RMDN2: variants seen among roughly 807,000 people sequenced by gnomAD.
The protein encoded by RMDN2 is regulator of microtubule dynamics 2.
RMDN2 carries 61 observed loss-of-function variants against 52.8 expected under a neutral mutation model. The observed-to-expected ratio is 1.16, with a 90% CI of 0.94 to 1.43. The LOEUF (loss-of-function observed/expected upper bound fraction) is 1.43. Ranked by LOEUF, RMDN2 falls within the 40% of genes most tolerant of loss-of-function variation. The pLI, the probability that RMDN2 is intolerant of heterozygous loss-of-function variation, is 0.00. For synonymous variants in RMDN2, 180 were observed against 153.1 expected (o/e 1.18, Z -1.30); for missense variants, 592 against 475.3 (o/e 1.25, Z -2.28).
At chr2:37,982,007 C>G (rs1302117969) in intron 5 of RMDN2, among the ~76,000 whole-genome samples, 4 of 151,320 alleles carry the variant, frequency 2.6e-5, no homozygotes, top group Admixed American at 2.0e-4. Context: ...GTTTCTTTTT[C>G]TCTCCAGCAA....
At chr2:37,965,261 A>G (rs1278383171) in intron 2 of RMDN2, among the ~76,000 whole-genome samples, 1 of 149,082 alleles carries the variant, frequency 6.7e-6, no homozygotes, top group African/African-American at 2.5e-5. Context: ...TTATTATTTC[A>G]TTTTGTTATT....
rs187069970 is a variant in RMDN2 at position 37,943,188 on chromosome 2, C to G, written c.452+13459C>G. Among the ~76,000 whole-genome samples the G allele has an allele frequency of 3.3e-5, 5 of 152,286 alleles. No homozygotes were observed. The East Asian group carries it at 7.7e-4, about 23-fold the overall frequency. On this transcript the variant is annotated intron_variant, in intron 2 of 10. Transcript: ENST00000354545. ...GGGAATGGATGCCATTGCTCAAGCA[C>G]AATGTGTAGCATGGGAAGAGAGAAG...
chr2:37,958,375 G>A (rs1378335425), intron 2 of RMDN2, among the ~76,000 whole-genome samples: 3 of 143,752 alleles, frequency 2.1e-5, no homozygotes, highest in Non-Finnish European at 4.4e-5. Context: ...CCTCTAAGTT[G>A]TATTCCTAGG....
At chr2:37,977,882 G>A (rs1015071809) in intron 4 of RMDN2, among the ~76,000 whole-genome samples, 14 of 151,954 alleles carry the variant, frequency 9.2e-5, no homozygotes, top group African/African-American at 3.1e-4. Flanking sequence ...GACGATGGGC[G>A]GCCAGGCAGA....
chr2:38,061,401 G>A (rs1273601377), intron 10 of RMDN2, among the ~76,000 whole-genome samples: 1 of 152,144 alleles, frequency 6.6e-6, no homozygotes, highest in African/African-American at 2.4e-5. Context: ...AGTGCGCTGA[G>A]ATTATTTTAC....
At chr2:38,032,846 G>A (rs1395758431) in intron 10 of RMDN2, 4 of 151,202 alleles carry the variant, frequency 2.6e-5, no homozygotes, top group African/African-American at 9.7e-5. Context: ...CACAAAAAAT[G>A]TAAAAAAAAA....
chr2:37,990,020 A>G (rs7602011), intron 6 of RMDN2, among the ~76,000 whole-genome samples: 19,966 of 150,188 alleles, frequency 0.13, 1,967 homozygotes, highest in African/African-American at 0.28. Flanking sequence ...GCGGGCGCCT[A>G]TAGTCCCAGC....
chr2:38,022,963 T>G (rs981650039), intron 10 of RMDN2, among the ~76,000 whole-genome samples: 28 of 152,182 alleles, frequency 1.8e-4, no homozygotes, highest in African/African-American at 6.8e-4. Context: ...CACTTGTGCT[T>G]TCTTTGAGCC....
At position 37,963,317 on chromosome 2, in the gene RMDN2, C is replaced by CTTT. The variant is rs60052181; in HGVS notation, c.453-10707_453-10705dup. On this transcript the variant is annotated intron_variant, in intron 2 of 10. Coordinates refer to ENST00000354545, the MANE Select transcript of RMDN2 (RefSeq NM_001170791.3). ...AATTTGGCTTCATACACGTGAGTTTCTTTTTTTTTTTTTTTTTTAATTGAT... is the reference window on the plus strand; with the variant it reads ...AATTTGGCTTCATACACGTGAGTTTCTTTTTTTTTTTTTTTTTTTTTAATTGAT... 102 of 115,552 alleles carry CTTT rather than the reference C, an allele frequency of 8.8e-4. 7 individuals carry two copies. The highest frequency in any genetic ancestry group is 5.0e-3 in the Middle Eastern group (1 of 200). The allele number at this position is 115,552 out of a possible 1,614,324, so 7.2% of individuals were successfully genotyped here.
chr2:37,960,173 C>G (rs983381674), intron 2 of RMDN2, among the ~76,000 whole-genome samples: 4 of 152,132 alleles, frequency 2.6e-5, no homozygotes, highest in Non-Finnish European at 5.9e-5. Flanking sequence ...TGATCCAGAG[C>G]TGAATTCAAG....
chr2:37,964,956 C>A (rs1670837424), intron 2 of RMDN2, among the ~76,000 whole-genome samples: 2 of 152,046 alleles, frequency 1.3e-5, no homozygotes, highest in Admixed American at 1.3e-4. Flanking sequence ...GTTATATCTT[C>A]TTGGTAATTG....
At chr2:37,994,553 CAAAAG>C (rs1675253657) in intron 7 of RMDN2, among the ~76,000 whole-genome samples, 1 of 152,018 alleles carries the variant, frequency 6.6e-6, no homozygotes, top group Non-Finnish European at 1.5e-5. Flanking sequence ...AATTACTTAA[CAAAAG>C]AAAGTCTGTG....
At chr2:38,026,942 T>G (rs1400357754) in intron 10 of RMDN2, 1 of 151,256 alleles carries the variant, frequency 6.6e-6, no homozygotes, top group East Asian at 2.0e-4. Flanking sequence ...GTTTTTTTTG[T>G]TTTCAGGTAT....
At chr2:38,031,037 C>T (rs977691722) in intron 10 of RMDN2, among the ~76,000 whole-genome samples, 2 of 151,088 alleles carry the variant, frequency 1.3e-5, no homozygotes, top group Admixed American at 6.6e-5. Flanking sequence ...TTTAATTGGC[C>T]AAGAACATTT....
chr2:37,933,263 G>C (rs1666992106), intron 2 of RMDN2, among the ~76,000 whole-genome samples: 1 of 151,930 alleles, frequency 6.6e-6, no homozygotes, highest in African/African-American at 2.4e-5. Flanking sequence ...TGGCGGCCGG[G>C]CAGAGACGCT....
intron 10 of RMDN2, among the ~76,000 whole-genome samples, chr2:38,016,983 A>G (rs1368183604): frequency 6.6e-6 from 1 of 152,132 alleles, no homozygotes; most frequent in African/African-American, 2.4e-5. Context: ...TACAATGAAA[A>G]AAAAGAAAAT....
chr2:38,059,518 C>A (rs192699628), intron 10 of RMDN2, among the ~76,000 whole-genome samples: 1 of 152,084 alleles, frequency 6.6e-6, no homozygotes, highest in East Asian at 1.9e-4. Flanking sequence ...AAATCATCAT[C>A]AAAATGTAAA....
intron 10 of RMDN2, chr2:38,030,770 A>C (rs1244010645): frequency 6.6e-6 from 1 of 152,216 alleles, no homozygotes; most frequent in African/African-American, 2.4e-5. Flanking sequence ...AAGGTCACAC[A>C]CTTTGTTTCT....
At chr2:37,945,151 T>A (rs1372122888) in intron 2 of RMDN2, among the ~76,000 whole-genome samples, 1 of 152,200 alleles carries the variant, frequency 6.6e-6, no homozygotes, top group Non-Finnish European at 1.5e-5. Flanking sequence ...AGTACTAGCT[T>A]GAAAAGGTTA....
Sources: gnomAD v4.1 joint callset for allele counts (sites outside exome capture counted in the v4.1 genomes callset) on GRCh38, gnomAD v4.1.1 for gene constraint, MANE v1.5 for transcripts, NCBI Gene and HGNC (gene_info 2026-07-23, HGNC 2026-07-21) for gene names.